Variants in CRCT1 observed in about 807,000 individuals in gnomAD.
The protein encoded by CRCT1 is cysteine-rich C-terminal protein 1.
For synonymous variants in CRCT1, 86 were observed against 60.3 expected (o/e 1.43, Z -1.98); for missense variants, 160 against 136.3 (o/e 1.17, Z -0.87).
chr1:152,514,772 C>T (rs1037981255), intron 1 of CRCT1, among the ~76,000 whole-genome samples: 1 of 152,212 alleles, frequency 6.6e-6, no homozygotes. Flanking sequence ...AGAGCTGTGA[C>T]TAGAACCCAG....
intron 1 of CRCT1, among the ~76,000 whole-genome samples, chr1:152,515,037 G>C (rs1018245189): frequency 6.6e-6 from 1 of 152,198 alleles, no homozygotes; most frequent in Non-Finnish European, 1.5e-5. Flanking sequence ...GCCAAGTGGA[G>C]ATTTTGGACT....
In CRCT1 at chr1:152,515,694, AC is replaced by A; in HGVS notation, c.*16del. ...TGCTCCGGCTGCTGAGAGGCCCGCA[AC>A]CCCCAGCGCTGCGCTAGAGAAACCC... On this transcript the variant is annotated 3_prime_UTR_variant, in exon 2 of 2. Coordinates refer to ENST00000368790, the MANE Select transcript of CRCT1 (RefSeq NM_019060.3). 6 of 1,490,220 alleles carry A rather than the reference AC, an allele frequency of 4.0e-6. No homozygotes were observed. The highest frequency in any genetic ancestry group is 5.4e-6 in the Non-Finnish European group (6 of 1,117,448). The allele number at this position is 1,490,220 out of a possible 1,614,324, so 92.3% of individuals were successfully genotyped here.
rs1203499999 is a variant in CRCT1 at position 152,515,574 on chromosome 1, C to T, written c.191C>T (p.Pro64Leu). ...AGCTCCACCAGTTGCTGCTGCTTCCCAAGGAGACGCCGCCGACAGCGGAGT... is the reference window on the plus strand; with the variant it reads ...AGCTCCACCAGTTGCTGCTGCTTCCTAAGGAGACGCCGCCGACAGCGGAGT... ...GSSSTSCCCF[P>L]RRRRRQRSSG... is the part of the protein sequence containing the mutation. Residue 64 changes from proline (P) to leucine (L), a missense_variant, in exon 2 of 2, where the codon CCA becomes CTA. Physicochemically the swap from Pro to Leu is moderately conservative, Grantham distance 98. Coordinates refer to ENST00000368790, the MANE Select transcript of CRCT1 (RefSeq NM_019060.3). 6.3e-7 allele frequency: 1 copy of T among 1,595,450 alleles called. No individual in the cohort carries two copies. The highest frequency in any genetic ancestry group is 8.5e-7 in the Non-Finnish European group (1 of 1,176,298).
Position 152,515,588 on chromosome 1 carries a change from C to G in CRCT1, c.205C>G (p.Arg69Gly). 6.3e-6 allele frequency: 10 copies of G among 1,592,324 alleles called. No homozygotes were observed. The highest frequency in any genetic ancestry group is 8.5e-6 in the Non-Finnish European group (10 of 1,174,694). Residue 69 changes from arginine (R) to glycine (G), a missense_variant, in exon 2 of 2, where the codon CGA becomes GGA. Arg to Gly is a moderately radical substitution (Grantham distance 125). Transcript: ENST00000368790. ...SCCCFPRRRR[R>G]QRSSGCCCCG... Reference sequence around the variant, plus strand: ...CTGCTGCTTCCCAAGGAGACGCCGCCGACAGCGGAGTAGTGGTTGCTGCTG... The same window carrying G: ...CTGCTGCTTCCCAAGGAGACGCCGCGGACAGCGGAGTAGTGGTTGCTGCTG...
chr1:152,514,966 T>G (rs1658706245), intron 1 of CRCT1, among the ~76,000 whole-genome samples: 1 of 151,972 alleles, frequency 6.6e-6, no homozygotes, highest in Non-Finnish European at 1.5e-5. Context: ...GATGGGGGTG[T>G]AGTAACTAGG....
At position 152,515,906 on chromosome 1, in the gene CRCT1, C is replaced by T. The variant is rs75681778; in HGVS notation, c.*223C>T. On this transcript the variant is annotated 3_prime_UTR_variant, in exon 2 of 2. Transcript: ENST00000368790. Reference sequence around the variant, plus strand: ...CGAGAGCCATGCGTGGGACACTGGACCCTACTGTCTACACGGGCTTGCACA... The same window carrying T: ...CGAGAGCCATGCGTGGGACACTGGATCCTACTGTCTACACGGGCTTGCACA... The T allele has an allele frequency of 3.6e-3, 2,363 of 661,926 alleles. 29 individuals carry two copies. The highest frequency in any genetic ancestry group is 0.033 in the African/African-American group (1,735 of 51,938). The allele number at this position is 661,926 out of a possible 1,614,324, so 41.0% of individuals were successfully genotyped here.
chr1:152,515,707 C>G lies in CRCT1; in HGVS notation c.*24C>G. The G allele has an allele frequency of 6.8e-7, 1 of 1,462,192 alleles. No homozygotes were observed. The highest frequency in any genetic ancestry group is 9.0e-7 in the Non-Finnish European group (1 of 1,105,396). 90.6% of individuals were successfully genotyped at this position (1,462,192 alleles called of 1,614,324 possible). On this transcript the variant is annotated 3_prime_UTR_variant, in exon 2 of 2. Transcript: ENST00000368790. Reference sequence around the variant, plus strand: ...GAGAGGCCCGCAACCCCCAGCGCTGCGCTAGAGAAACCCGCCCAGCCCAGA... The same window carrying G: ...GAGAGGCCCGCAACCCCCAGCGCTGGGCTAGAGAAACCCGCCCAGCCCAGA...
Position 152,515,834 on chromosome 1 carries a change from C to CT in CRCT1, c.*151_*152insT. On this transcript the variant is annotated 3_prime_UTR_variant, in exon 2 of 2. Transcript: ENST00000368790. Reference sequence around the variant, plus strand: ...GTTCAGAAACCCACTTTGTTCTCAGCCACGCAAAACTCCCTGACCCCGATG... The same window carrying CT: ...GTTCAGAAACCCACTTTGTTCTCAGCTCACGCAAAACTCCCTGACCCCGATG... 1 of 1,268,586 alleles carries CT rather than the reference C, an allele frequency of 7.9e-7. No individual in the cohort carries two copies. The highest frequency in any genetic ancestry group is 2.9e-4 in the Middle Eastern group (1 of 3,506). 78.6% of individuals were successfully genotyped at this position (1,268,586 alleles called of 1,614,324 possible). A position where few individuals can be genotyped will look rare whatever the true frequency, so the allele number is the denominator to read the frequency against.
chr1:152,515,764 G>T lies in CRCT1; in HGVS notation c.*81G>T. The T allele has an allele frequency of 7.1e-7, 1 of 1,415,724 alleles. No individual in the cohort carries two copies. Among genetic ancestry groups the T allele is most frequent in the Non-Finnish European group, 9.2e-7 (1 of 1,085,484 alleles). The allele number at this position is 1,415,724 out of a possible 1,614,324, so 87.7% of individuals were successfully genotyped here. A position where few individuals can be genotyped will look rare whatever the true frequency, so the allele number is the denominator to read the frequency against. Reference sequence around the variant, plus strand: ...CCGCCCCGCTGCGGCTCCCACGCGGGGCTGGGCCTCGGAGTTTGCCCCGTA... The same window carrying T: ...CCGCCCCGCTGCGGCTCCCACGCGGTGCTGGGCCTCGGAGTTTGCCCCGTA... On this transcript the variant is annotated 3_prime_UTR_variant, in exon 2 of 2. Transcript: ENST00000368790.
Position 152,515,951 on chromosome 1 carries a change from GT to G in CRCT1, c.*269del. The G allele has an allele frequency of 2.3e-6, 1 of 426,266 alleles. No homozygotes were observed. Among genetic ancestry groups the G allele is most frequent in the Non-Finnish European group, 4.2e-6 (1 of 237,992 alleles). 26.4% of individuals were successfully genotyped at this position (426,266 alleles called of 1,614,324 possible). A position where few individuals can be genotyped will look rare whatever the true frequency, so the allele number is the denominator to read the frequency against. ...TGCACACAGCAGGTGCTCAGCAAATGTCTATTGATTTGATTGTCTTTTGAAG... is the reference window on the plus strand; with the variant it reads ...TGCACACAGCAGGTGCTCAGCAAATGCTATTGATTTGATTGTCTTTTGAAG... On this transcript the variant is annotated 3_prime_UTR_variant, in exon 2 of 2. Transcript: ENST00000368790.
In CRCT1 at chr1:152,515,789, A is replaced by G. The variant is rs951241918; in HGVS notation, c.*106A>G. ...GGCTGGGCCTCGGAGTTTGCCCCGTAAAGCGAATTGCACTTTGATGTTCAG... is the reference window on the plus strand; with the variant it reads ...GGCTGGGCCTCGGAGTTTGCCCCGTGAAGCGAATTGCACTTTGATGTTCAG... On this transcript the variant is annotated 3_prime_UTR_variant, in exon 2 of 2. Transcript: ENST00000368790. The G allele has an allele frequency of 1.7e-5, 24 of 1,412,122 alleles. No homozygotes were observed. The Admixed American group carries it at 7.6e-4, about 44-fold the overall frequency. The allele number at this position is 1,412,122 out of a possible 1,614,324, so 87.5% of individuals were successfully genotyped here.
chr1:152,515,792 G>A lies in CRCT1; in HGVS notation c.*109G>A. On this transcript the variant is annotated 3_prime_UTR_variant, in exon 2 of 2. Coordinates refer to ENST00000368790, the MANE Select transcript of CRCT1 (RefSeq NM_019060.3). ...TGGGCCTCGGAGTTTGCCCCGTAAA[G>A]CGAATTGCACTTTGATGTTCAGAAA... 7.1e-7 allele frequency: 1 copy of A among 1,411,414 alleles called. No individual in the cohort carries two copies. The highest frequency in any genetic ancestry group is 3.3e-5 in the Admixed American group (1 of 30,478). 87.4% of individuals were successfully genotyped at this position (1,411,414 alleles called of 1,614,324 possible). A position where few individuals can be genotyped will look rare whatever the true frequency, so the allele number is the denominator to read the frequency against.
chr1:152,515,031 A>G (rs1658708146), intron 1 of CRCT1, among the ~76,000 whole-genome samples: 1 of 152,182 alleles, frequency 6.6e-6, no homozygotes. Flanking sequence ...AAAAAAGCCA[A>G]GTGGAGATTT....
chr1:152,515,455 T>A lies in CRCT1; in HGVS notation c.72T>A (p.Cys24Ter), dbSNP rs1553231253. 1 of 1,602,938 alleles carries A rather than the reference T, an allele frequency of 6.2e-7. No individual in the cohort carries two copies. Among genetic ancestry groups the A allele is most frequent in the East Asian group, 2.2e-5 (1 of 44,676 alleles). ...SKGSSQGPAP[C>*]PAPAPTPAPA... ...GGTCGTCCCAGGGCCCCGCTCCGTG[T>A]CCCGCCCCGGCGCCCACCCCGGCGC... Residue 24 changes from cysteine (C) to a stop codon, truncating the protein, a stop_gained, in exon 2 of 2, where the codon TGT becomes TGA. Transcript: ENST00000368790. LOFTEE classifies it low-confidence loss of function (END_TRUNC).
Position 152,515,593 on chromosome 1 carries a change from G to A in CRCT1, c.210G>A (p.Gln70=). Residue 70 remains glutamine (Q), a synonymous_variant, in exon 2 of 2, where the codon CAG becomes CAA. Transcript: ENST00000368790. ...GCTTCCCAAGGAGACGCCGCCGACA[G>A]CGGAGTAGTGGTTGCTGCTGCTGCG... ...CCCFPRRRRR[Q]RSSGCCCCGG... The A allele has an allele frequency of 6.3e-7, 1 of 1,592,290 alleles. No individual in the cohort carries two copies. Among genetic ancestry groups the A allele is most frequent in the Non-Finnish European group, 8.5e-7 (1 of 1,174,560 alleles).
At position 152,515,442 on chromosome 1, in the gene CRCT1, G is replaced by GC. The variant is rs1433850535; in HGVS notation, c.63dup (p.Ala22ArgfsTer52). On this transcript the variant is annotated frameshift_variant, in exon 2 of 2. Coordinates refer to ENST00000368790, the MANE Select transcript of CRCT1 (RefSeq NM_019060.3). LOFTEE classifies it low-confidence loss of function (END_TRUNC). ...GGCTTTTCCAAGGGGTCGTCCCAGG[G>GC]CCCCGCTCCGTGTCCCGCCCCGGCG... 1 of 1,600,820 alleles carries GC rather than the reference G, an allele frequency of 6.2e-7. No homozygotes were observed. Among genetic ancestry groups the GC allele is most frequent in the East Asian group, 2.2e-5 (1 of 44,610 alleles).
In CRCT1 at chr1:152,515,709, C is replaced by T; in HGVS notation, c.*26C>T. Reference sequence around the variant, plus strand: ...GAGGCCCGCAACCCCCAGCGCTGCGCTAGAGAAACCCGCCCAGCCCAGAGC... The same window carrying T: ...GAGGCCCGCAACCCCCAGCGCTGCGTTAGAGAAACCCGCCCAGCCCAGAGC... On this transcript the variant is annotated 3_prime_UTR_variant, in exon 2 of 2. Coordinates refer to ENST00000368790, the MANE Select transcript of CRCT1 (RefSeq NM_019060.3). 1 of 1,459,222 alleles carries T rather than the reference C, an allele frequency of 6.9e-7. No homozygotes were observed. Among genetic ancestry groups the T allele is most frequent in the Non-Finnish European group, 9.1e-7 (1 of 1,104,082 alleles). The allele number at this position is 1,459,222 out of a possible 1,614,324, so 90.4% of individuals were successfully genotyped here. A position where few individuals can be genotyped will look rare whatever the true frequency, so the allele number is the denominator to read the frequency against.
At chr1:152,514,724 G>T (rs761298781) in intron 1 of CRCT1, among the ~76,000 whole-genome samples, 172 bp downstream of exon 1, 7 of 152,170 alleles carry the variant, frequency 4.6e-5, no homozygotes, top group Non-Finnish European at 1.0e-4. Context: ...GGCAACATAG[G>T]AGGTGGTTTT....
Position 152,515,220 on chromosome 1 carries a change from G to T in CRCT1, c.-22-142G>T, listed in dbSNP as rs2282297. On this transcript the variant is annotated intron_variant, in intron 1 of 1. Transcript: ENST00000368790. ...CACCTGCTTGGATTTGCTTCTTTGC[G>T]TCCGCTCTTTCTGGGTGCTTTTCCC... 110 of 611,500 alleles carry T rather than the reference G, an allele frequency of 1.8e-4. No individual in the cohort carries two copies. The East Asian group carries it at 3.3e-3, about 18-fold the overall frequency. The allele number at this position is 611,500 out of a possible 1,614,324, so 37.9% of individuals were successfully genotyped here. A position where few individuals can be genotyped will look rare whatever the true frequency, so the allele number is the denominator to read the frequency against.
Sources: gnomAD v4.1 joint callset for allele counts (sites outside exome capture counted in the v4.1 genomes callset) on GRCh38, gnomAD v4.1.1 for gene constraint, MANE v1.5 for transcripts, NCBI Gene and HGNC (gene_info 2026-07-23, HGNC 2026-07-21) for gene names.